The following SLC6A15 variants were observed in gnomAD, a reference collection of about 807,000 sequenced individuals.
SLC6A15 encodes the protein solute carrier family 6 member 15.
A neutral mutation model predicts 68.5 loss-of-function variants in SLC6A15; 33 were observed. The ratio of observed to expected loss-of-function variants is 0.48; its 90% CI spans 0.37 to 0.64. The LOEUF is 0.64. Ranked by LOEUF, SLC6A15 falls within the 30% of genes least tolerant of loss-of-function variation. The probability of loss-of-function intolerance (pLI) is 0.00; values close to 1 mark genes in which losing one functional copy is unlikely to be tolerated. For synonymous variants in SLC6A15, 347 were observed against 301.0 expected (o/e 1.15, Z -1.58); for missense variants, 747 against 874.3 (o/e 0.85, Z 1.84).
intron 1 of SLC6A15, among the ~76,000 whole-genome samples, chr12:84,898,847 T>C (rs977346690): frequency 6.6e-6 from 1 of 152,246 alleles, no homozygotes; most frequent in African/African-American, 2.4e-5. Context: ...CAGTTATCCA[T>C]GGCTGCACAT....
intron 10 of SLC6A15, 69 bp from the exon 11 acceptor site, chr12:84,863,670 T>C: frequency 1.8e-6 from 2 of 1,140,280 alleles, no homozygotes; most frequent in Non-Finnish European, 2.4e-6. Flanking sequence ...ATGTGCATTA[T>C]ATTAATGGTC....
intron 1 of SLC6A15, among the ~76,000 whole-genome samples, 189 bp downstream of exon 1, chr12:84,912,334 G>A (rs1283757051): frequency 6.6e-6 from 1 of 152,012 alleles, no homozygotes; most frequent in Middle Eastern, 3.4e-3. Flanking sequence ...ACGGTTGCCC[G>A]CCCAGCCCAG....
intron 2 of SLC6A15, 64 bp downstream of exon 2, chr12:84,891,768 G>A (rs1872406477): frequency 2.1e-6 from 3 of 1,403,710 alleles, no homozygotes; most frequent in Non-Finnish European, 2.9e-6. Flanking sequence ...GCAATAATAG[G>A]AGCTATTTGA....
In SLC6A15 at chr12:84,872,536, T is replaced by A. The variant is rs555841679; in HGVS notation, c.1302+66A>T. ...TTTAAGGCCCTTTTCCTGAAGGGAG[T>A]CTGCTGGATAATGCATATTTCAAGT... On this transcript the variant is annotated intron_variant, in intron 8 of 11. Transcript: ENST00000266682. The A allele has an allele frequency of 2.2e-5, 29 of 1,336,630 alleles. No individual in the cohort carries two copies. In the South Asian group the frequency reaches 3.4e-4, roughly 15 times the overall value. The allele number at this position is 1,336,630 out of a possible 1,614,324, so 82.8% of individuals were successfully genotyped here. A position where few individuals can be genotyped will look rare whatever the true frequency, so the allele number is the denominator to read the frequency against.
chr12:84,907,889 G>A (rs1873241899), intron 1 of SLC6A15, among the ~76,000 whole-genome samples: 1 of 152,116 alleles, frequency 6.6e-6, no homozygotes, highest in Admixed American at 6.5e-5. Context: ...TGACTTAGAT[G>A]AATCTACAGA....
In SLC6A15 at chr12:84,873,218, T is replaced by C; in HGVS notation, c.978A>G (p.Arg326=). The C allele has an allele frequency of 6.2e-7, 1 of 1,614,112 alleles. No individual in the cohort carries two copies. The highest frequency in any genetic ancestry group is 8.5e-7 in the Non-Finnish European group (1 of 1,179,996). Reference sequence around the variant, plus strand: ...CAGCATCAAAGTGGCAGTTGTTGTCTCTCTTGTTGTAGCTTGAAAAGGCAA... The same window carrying C: ...CAGCATCAAAGTGGCAGTTGTTGTCCCTCTTGTTGTAGCTTGAAAAGGCAA... ...GVIAFSSYNK[R]DNNCHFDAVL... The change falls in exon 7 of 12, where the codon AGA becomes AGG. Residue 326 remains arginine (R), a synonymous_variant. Transcript: ENST00000266682.
Position 84,873,776 on chromosome 12 carries a change from A to G in SLC6A15, c.868-448T>C, listed in dbSNP as rs1871394944. ...GTTAATCTAATGGTCGAAGCAGAAAACAATTATAAACTTCGCAGAGTTGAA... is the reference window on the plus strand; with the variant it reads ...GTTAATCTAATGGTCGAAGCAGAAAGCAATTATAAACTTCGCAGAGTTGAA... On this transcript the variant is annotated intron_variant, in intron 6 of 11. Coordinates refer to ENST00000266682, the MANE Select transcript of SLC6A15 (RefSeq NM_182767.6). Among the ~76,000 whole-genome samples the G allele has an allele frequency of 2.0e-5, 3 of 152,302 alleles. No homozygotes were observed. In the South Asian group the frequency reaches 6.2e-4, roughly 32 times the overall value.
At chr12:84,864,439 C>T (rs1202542612) in intron 10 of SLC6A15, among the ~76,000 whole-genome samples, 1 of 151,714 alleles carries the variant, frequency 6.6e-6, no homozygotes, top group South Asian at 2.1e-4. Flanking sequence ...CCTGCCTCAG[C>T]CTCCCGAGTA....
chr12:84,888,494 A>C (rs1477726399), intron 2 of SLC6A15, among the ~76,000 whole-genome samples: 1 of 152,164 alleles, frequency 6.6e-6, no homozygotes, highest in Non-Finnish European at 1.5e-5. Flanking sequence ...CATTATTCTA[A>C]GTGAAATAAC....
intron 1 of SLC6A15, among the ~76,000 whole-genome samples, chr12:84,897,236 G>T (rs1872670999): frequency 6.6e-6 from 1 of 151,792 alleles, no homozygotes; most frequent in Admixed American, 6.6e-5. Flanking sequence ...TAAAGAAAAA[G>T]AAACAACAGA....
intron 2 of SLC6A15, among the ~76,000 whole-genome samples, chr12:84,888,340 T>C (rs1423140347): frequency 2.7e-5 from 4 of 150,936 alleles, no homozygotes; most frequent in African/African-American, 9.8e-5. Flanking sequence ...CAATTCACAA[T>C]TGCAAAGATG....
At chr12:84,889,440 A>G (rs540425504) in intron 2 of SLC6A15, among the ~76,000 whole-genome samples, 5 of 152,108 alleles carry the variant, frequency 3.3e-5, no homozygotes, top group African/African-American at 1.2e-4. Context: ...CAGTGAGCAG[A>G]CAGAGATTGC....
intron 1 of SLC6A15, among the ~76,000 whole-genome samples, chr12:84,907,070 C>G (rs1189774501): frequency 6.6e-6 from 1 of 152,056 alleles, no homozygotes; most frequent in Non-Finnish European, 1.5e-5. Flanking sequence ...TCGACCGTTG[C>G]CAGGCGCGGT....
intron 1 of SLC6A15, among the ~76,000 whole-genome samples, chr12:84,908,421 G>A (rs1192080828): frequency 6.6e-6 from 1 of 151,752 alleles, no homozygotes; most frequent in East Asian, 1.9e-4. Context: ...ACAAAAATCA[G>A]GGGGTCGTCA....
In SLC6A15 at chr12:84,870,515, A is replaced by G. The variant is rs1425164588; in HGVS notation, c.1458T>C (p.Ile486=). 1 of 1,576,730 alleles carries G rather than the reference A, an allele frequency of 6.3e-7. No individual in the cohort carries two copies. Residue 486 remains isoleucine (I), a synonymous_variant, in exon 9 of 12, where the codon ATT becomes ATC. Transcript: ENST00000266682. ...FGTIEGIVTP[I]VDTFKVRKEI... Reference sequence around the variant, plus strand: ...CTTTCCTCACTTTGAAAGTGTCCACAATAGGCGTGACAATCCCTTCAATGG... The same window carrying G: ...CTTTCCTCACTTTGAAAGTGTCCACGATAGGCGTGACAATCCCTTCAATGG...
chr12:84,881,469 G>T lies in SLC6A15; in HGVS notation c.756+2390C>A, dbSNP rs556841621. ...AGCTGAAATTTCTCATAATAAAAAG[G>T]AAAATACAAGATTTCAGTAAAATCC... is the stretch of plus-strand genomic sequence containing the variant. On this transcript the variant is annotated intron_variant, in intron 5 of 11. Coordinates refer to ENST00000266682, the MANE Select transcript of SLC6A15 (RefSeq NM_182767.6). 58 of 985,294 alleles carry T rather than the reference G, an allele frequency of 5.9e-5. No homozygotes were observed. The South Asian group carries it at 2.4e-3, about 42-fold the overall frequency. The allele number at this position is 985,294 out of a possible 1,614,324, so 61.0% of individuals were successfully genotyped here. A position where few individuals can be genotyped will look rare whatever the true frequency, so the allele number is the denominator to read the frequency against.
Position 84,877,521 on chromosome 12 carries a change from C to A in SLC6A15, c.757-914G>T, listed in dbSNP as rs905759063. Reference sequence around the variant, plus strand: ...CTGCTTGCCTGGCCACCACTCTTCCCATGGAGCTCTGGCCACTCAGGCCCT... The same window carrying A: ...CTGCTTGCCTGGCCACCACTCTTCCAATGGAGCTCTGGCCACTCAGGCCCT... On this transcript the variant is annotated intron_variant, in intron 5 of 11. Transcript: ENST00000266682. Among the ~76,000 whole-genome samples the A allele has an allele frequency of 2.0e-5, 3 of 152,180 alleles. No individual in the cohort carries two copies. The South Asian group carries it at 6.2e-4, about 31-fold the overall frequency.
At chr12:84,895,538 G>A (rs1478014168) in intron 1 of SLC6A15, among the ~76,000 whole-genome samples, 7 of 151,428 alleles carry the variant, frequency 4.6e-5, no homozygotes, top group Non-Finnish European at 8.8e-5. Context: ...TAGTAGAGAC[G>A]AGGTTTCACC....
At chr12:84,889,131 C>T (rs1433011505) in intron 2 of SLC6A15, among the ~76,000 whole-genome samples, 1 of 151,932 alleles carries the variant, frequency 6.6e-6, no homozygotes, top group Non-Finnish European at 1.5e-5. Flanking sequence ...AGTCTATTCT[C>T]ACTAGATCTA....
Sources: gnomAD v4.1 joint callset for allele counts (sites outside exome capture counted in the v4.1 genomes callset) on GRCh38, gnomAD v4.1.1 for gene constraint, MANE v1.5 for transcripts, NCBI Gene and HGNC (gene_info 2026-07-23, HGNC 2026-07-21) for gene names.